The following IL1R1 variants were observed in gnomAD, a reference collection of about 807,000 sequenced individuals.
The protein encoded by IL1R1 is interleukin-1 receptor type 1.
Under a neutral mutation model 50.2 loss-of-function variants are expected in IL1R1, and 22 were observed. The ratio of observed to expected loss-of-function variants is 0.44; its 90% CI spans 0.31 to 0.63. The LOEUF (loss-of-function observed/expected upper bound fraction) is 0.63. Among genes scored for constraint, IL1R1 ranks in the 20% least tolerant of loss-of-function variants. The pLI is 0.07. For missense variants in IL1R1, 509 were observed against 676.2 expected (o/e 0.75, Z 2.74); for synonymous variants, 251 against 236.7 (o/e 1.06, Z -0.55).
At chr2:102,083,112 C>T (rs145701445) in intron 1 of IL1R1, among the ~76,000 whole-genome samples, 28 of 152,294 alleles carry the variant, frequency 1.8e-4, no homozygotes, top group African/African-American at 5.3e-4. Context: ...AAGGGATTTT[C>T]TGCACCCAGC....
At chr2:102,165,377 T>G in intron 5 of IL1R1, 73 bp downstream of exon 5, 1 of 732,538 alleles carries the variant, frequency 1.4e-6, no homozygotes, top group Non-Finnish European at 2.1e-6. Context: ...AGAATGTATC[T>G]GCAAAGTACC....
At chr2:102,084,031 C>T (rs78823208) in intron 1 of IL1R1, among the ~76,000 whole-genome samples, 4,148 of 151,924 alleles carry the variant, frequency 0.027, 114 homozygotes, top group Non-Finnish European at 0.034. Context: ...TGGTCTTGAC[C>T]AAGGCCTCAT....
chr2:102,114,727 T>G (rs1228120635), intron 1 of IL1R1, among the ~76,000 whole-genome samples: 1 of 152,220 alleles, frequency 6.6e-6, no homozygotes, highest in East Asian at 1.9e-4. Context: ...TTTCTCCAGT[T>G]GAAATTTATT....
Position 102,157,614 on chromosome 2 carries a change from G to C in IL1R1, c.-6-105G>C, listed in dbSNP as rs138237867. 1,249 of 715,606 alleles carry C rather than the reference G, an allele frequency of 1.7e-3. 5 individuals carry two copies. Among genetic ancestry groups the C allele is most frequent in the African/African-American group, 0.012 (690 of 56,386 alleles). The allele number at this position is 715,606 out of a possible 1,614,324, so 44.3% of individuals were successfully genotyped here. ...AACCAGTTCATCAGTGTGACTTGTG[G>C]GTGAGGGTGGGGACAGGGCCGGTGT... On this transcript the variant is annotated intron_variant, in intron 2 of 11. Coordinates refer to ENST00000410023, the MANE Select transcript of IL1R1 (RefSeq NM_000877.4).
intron 2 of IL1R1, among the ~76,000 whole-genome samples, chr2:102,156,585 C>G (rs1265239122): frequency 1.3e-5 from 2 of 151,658 alleles, no homozygotes; most frequent in East Asian, 3.9e-4. Context: ...CATCTTGGCT[C>G]ACTGCAACCC....
intron 1 of IL1R1, among the ~76,000 whole-genome samples, chr2:102,146,792 C>G (rs1235710678): frequency 6.6e-6 from 1 of 152,200 alleles, no homozygotes. Flanking sequence ...TCATGCAGGA[C>G]AAGTCTTTTC....
At chr2:102,165,068 G>T (rs200750907) in intron 4 of IL1R1, 47 bp from the exon 5 acceptor site, 235 of 1,560,112 alleles carry the variant, frequency 1.5e-4, no homozygotes, top group Non-Finnish European at 1.9e-4. Context: ...GTTAAGGACA[G>T]AAATACTTTT....
chr2:102,129,774 C>T (rs1206461351), intron 1 of IL1R1, among the ~76,000 whole-genome samples: 1 of 152,194 alleles, frequency 6.6e-6, no homozygotes, highest in African/African-American at 2.4e-5. Flanking sequence ...GCTGCAGAAG[C>T]TTTATGTAGA....
At chr2:102,135,043 C>T (rs959125289) in intron 1 of IL1R1, among the ~76,000 whole-genome samples, 1 of 152,072 alleles carries the variant, frequency 6.6e-6, no homozygotes, top group Non-Finnish European at 1.5e-5. Context: ...GACCATAACT[C>T]ATTTTTTTTT....
chr2:102,136,361 C>G (rs1682340690), intron 1 of IL1R1, among the ~76,000 whole-genome samples: 1 of 147,708 alleles, frequency 6.8e-6, no homozygotes, highest in Non-Finnish European at 1.5e-5. Context: ...TCAGGGCAAT[C>G]ATGGATAACA....
intron 1 of IL1R1, among the ~76,000 whole-genome samples, chr2:102,128,839 G>A (rs1681869446): frequency 6.6e-6 from 1 of 152,146 alleles, no homozygotes; most frequent in South Asian, 2.1e-4. Context: ...TCCCGGTTCA[G>A]TTATTTTACT....
At chr2:102,131,954 A>T (rs965349204) in intron 1 of IL1R1, among the ~76,000 whole-genome samples, 4 of 152,174 alleles carry the variant, frequency 2.6e-5, no homozygotes, top group African/African-American at 9.7e-5. Context: ...GAGGGAAAAA[A>T]TACGCCTACC....
intron 1 of IL1R1, among the ~76,000 whole-genome samples, chr2:102,085,332 G>A (rs774303412): frequency 6.6e-6 from 1 of 152,038 alleles, no homozygotes; most frequent in African/African-American, 2.4e-5. Context: ...TTCTTTAAAG[G>A]CTTTATTGTT....
chr2:102,154,948 C>A (rs1684034603), intron 2 of IL1R1, among the ~76,000 whole-genome samples: 1 of 152,200 alleles, frequency 6.6e-6, no homozygotes, highest in Admixed American at 6.5e-5. Flanking sequence ...TGTCTCCCCT[C>A]CTGCCCTGGG....
rs200236404 is a variant in IL1R1 at position 102,176,872 on chromosome 2, T to C, written c.*113T>C. On this transcript the variant is annotated 3_prime_UTR_variant, in exon 12 of 12. Transcript: ENST00000410023. ...CATGGAATGTAACTATATCATCCTTTATCCCTGAGGTCACCTGGAATCAGA... is the reference window on the plus strand; with the variant it reads ...CATGGAATGTAACTATATCATCCTTCATCCCTGAGGTCACCTGGAATCAGA... 7.5e-5 allele frequency: 76 copies of C among 1,009,998 alleles called. No homozygotes were observed. Among genetic ancestry groups the C allele is most frequent in the Non-Finnish European group, 1.1e-4 (72 of 672,190 alleles). The allele number at this position is 1,009,998 out of a possible 1,614,324, so 62.6% of individuals were successfully genotyped here.
rs1479282608 is a variant in IL1R1, at chr2:102,164,784, G to A, written c.72G>A (p.Lys24=). The A allele has an allele frequency of 6.2e-7, 1 of 1,611,996 alleles. No homozygotes were observed. Among genetic ancestry groups the A allele is most frequent in the Non-Finnish European group, 8.5e-7 (1 of 1,178,672 alleles). ...LISSLEADKC[K]EREEKIILVS... ...TTCTTCCTTTTAAAGATAAATGCAA[G>A]GAACGTGAAGAAAAAATAATTTTAG... Residue 24 remains lysine (K), a synonymous_variant, in exon 4 of 12, where the codon AAG becomes AAA. Coordinates refer to ENST00000410023, the MANE Select transcript of IL1R1 (RefSeq NM_000877.4).
At chr2:102,106,986 T>G (rs1168642251) in intron 1 of IL1R1, among the ~76,000 whole-genome samples, 1 of 152,038 alleles carries the variant, frequency 6.6e-6, no homozygotes, top group East Asian at 1.9e-4. Flanking sequence ...TCTCAACGAG[T>G]TTTCCTTGAG....
rs745505419 is a variant in IL1R1 at position 102,121,243 on chromosome 2, C to A, written c.-84+16371C>A. ...GGACTTTGCTGTTGCCTGCAGATGT[C>A]CGCCCCCCAACCCCCTGGTTTCTCT... On this transcript the variant is annotated intron_variant, in intron 1 of 10. Transcript: ENST00000409329. 3.3e-5 allele frequency among the ~76,000 whole-genome samples: 5 copies of A among 152,310 alleles called. No homozygotes were observed. The South Asian group carries it at 1.0e-3, about 32-fold the overall frequency.
In IL1R1 at chr2:102,171,807, A is replaced by G. The variant is rs1559507263; in HGVS notation, c.728A>G (p.Gln243Arg). The G allele has an allele frequency of 6.3e-7, 1 of 1,577,666 alleles. No homozygotes were observed. The change falls in exon 8 of 12, where the codon CAG becomes CGG. Residue 243 changes from glutamine (Q) to arginine (R), a missense_variant. Gln to Arg is a conservative substitution (Grantham distance 43). Coordinates refer to ENST00000410023, the MANE Select transcript of IL1R1 (RefSeq NM_000877.4). Reference protein sequence around the residue: ...NETMEVDLGSQIQLICNVTGQ... With the variant: ...NETMEVDLGSRIQLICNVTGQ... ...AAAAATACATTCTTTGCAGGATCCC[A>G]GATACAATTGATCTGTAATGTCACC...
Sources: gnomAD v4.1 joint callset for allele counts (sites outside exome capture counted in the v4.1 genomes callset) on GRCh38, gnomAD v4.1.1 for gene constraint, MANE v1.5 for transcripts, NCBI Gene and HGNC (gene_info 2026-07-23, HGNC 2026-07-21) for gene names.